The following TRIP12 variants were observed in gnomAD, a reference collection of about 807,000 sequenced individuals.
TRIP12 encodes the protein E3 ubiquitin-protein ligase TRIP12.
A neutral mutation model predicts 244.2 loss-of-function variants in TRIP12; 25 were observed. That is an observed-to-expected ratio of 0.10 (90% CI 0.07 to 0.14). The LOEUF (loss-of-function observed/expected upper bound fraction) is 0.14. TRIP12 is among the 10% of genes least tolerant of loss of function. TRIP12 has a pLI of 1.00. For synonymous variants in TRIP12, 905 were observed against 873.1 expected (o/e 1.04, Z -0.64); for missense variants, 1,677 against 2,486.4 (o/e 0.67, Z 6.92).
In TRIP12 at chr2:229,841,051, G is replaced by C. The variant is rs1017483641; in HGVS notation, c.1028-124C>G. On this transcript the variant is annotated intron_variant, in intron 4 of 41. Transcript: ENST00000675903. ...GAATATTTTTATAACCTCTCCAGCA[G>C]TATTACTAGCTTTATTTCCACAGCC... 3 of 681,078 alleles carry C rather than the reference G, an allele frequency of 4.4e-6. No homozygotes were observed. In the African/African-American group the frequency reaches 5.6e-5, roughly 13 times the overall value. The allele number at this position is 681,078 out of a possible 1,614,324, so 42.2% of individuals were successfully genotyped here.
chr2:229,864,192 A>T (rs2061096122), intron 2 of TRIP12, among the ~76,000 whole-genome samples: 1 of 152,182 alleles, frequency 6.6e-6, no homozygotes, highest in Non-Finnish European at 1.5e-5. Flanking sequence ...CCGGGCTGAT[A>T]TGTTAAAAAT....
At chr2:229,831,378 A>G (rs1397689801) in intron 6 of TRIP12, among the ~76,000 whole-genome samples, 4 of 152,240 alleles carry the variant, frequency 2.6e-5, no homozygotes, top group Non-Finnish European at 1.5e-5. Context: ...GATGACTGCT[A>G]TGAAGCATGA....
At chr2:229,812,181 C>T (rs2047419971) in intron 13 of TRIP12, among the ~76,000 whole-genome samples, 1 of 152,156 alleles carries the variant, frequency 6.6e-6, no homozygotes, top group Non-Finnish European at 1.5e-5. Flanking sequence ...ACCTCTGCCT[C>T]CCGAGATCAA....
Position 229,802,455 on chromosome 2 carries a change from T to G in TRIP12, c.3003A>C (p.Val1001=). Residue 1001 remains valine (V), a synonymous_variant, in exon 21 of 42, where the codon GTA becomes GTC. Transcript: ENST00000675903. ...CTGCTAAGTGTTTTACTTGATGCAT[T>G]ACACCTTTATAATAACAGAGATGAA... The part of the protein sequence containing the change: ...IFSVYFRREG[V]MHQVKHLAES... The G allele has an allele frequency of 6.2e-7, 1 of 1,610,606 alleles. No individual in the cohort carries two copies. Among genetic ancestry groups the G allele is most frequent in the South Asian group, 1.1e-5 (1 of 90,726 alleles).
intron 1 of TRIP12, among the ~76,000 whole-genome samples, chr2:229,902,881 TCA>T (rs1180686497): frequency 6.6e-6 from 1 of 152,186 alleles, no homozygotes; most frequent in Non-Finnish European, 1.5e-5. Context: ...AGATATGCCT[TCA>T]CATACAGTGC....
At chr2:229,907,729 C>A (rs958816549) in intron 1 of TRIP12, among the ~76,000 whole-genome samples, 1 of 152,060 alleles carries the variant, frequency 6.6e-6, no homozygotes, top group Non-Finnish European at 1.5e-5. Flanking sequence ...CTTGAGCCCA[C>A]AAGTTCGAAG....
Position 229,840,424 on chromosome 2 carries a change from G to A in TRIP12, c.1133+398C>T, listed in dbSNP as rs185750023. On this transcript the variant is annotated intron_variant, in intron 5 of 41. Transcript: ENST00000675903. Reference sequence around the variant, plus strand: ...TTTAAATAATTTTTTAAAAATCATCGGGCACGGTGGCTCACGCCTGTAATC... The same window carrying A: ...TTTAAATAATTTTTTAAAAATCATCAGGCACGGTGGCTCACGCCTGTAATC... Among the ~76,000 whole-genome samples, 651 of 152,108 alleles carry A rather than the reference G, an allele frequency of 4.3e-3. 4 individuals carry two copies. Among genetic ancestry groups the A allele is most frequent in the African/African-American group, 0.015 (624 of 41,480 alleles).
intron 4 of TRIP12, among the ~76,000 whole-genome samples, chr2:229,849,447 C>T (rs947807367): frequency 4.6e-5 from 7 of 151,948 alleles, no homozygotes; most frequent in Admixed American, 2.0e-4. Context: ...GGATCAAACA[C>T]TTGGGGGTGG....
chr2:229,879,745 C>G (rs2064423315), intron 2 of TRIP12, among the ~76,000 whole-genome samples: 2 of 152,200 alleles, frequency 1.3e-5, no homozygotes, highest in Non-Finnish European at 2.9e-5. Flanking sequence ...ACACCACATG[C>G]TAAATGAGGT....
intron 24 of TRIP12, 131 bp downstream of exon 24, chr2:229,797,559 G>A: frequency 9.6e-7 from 1 of 1,039,716 alleles, no homozygotes; most frequent in Admixed American, 2.9e-5. Context: ...AGCACCAAGG[G>A]TGTATATAAG....
chr2:229,786,632 TG>T (rs1165144165), intron 33 of TRIP12, among the ~76,000 whole-genome samples: 1 of 141,518 alleles, frequency 7.1e-6, no homozygotes, highest in African/African-American at 2.6e-5. Flanking sequence ...TTGGCCAGGA[TG>T]GTCTCGATCT....
At chr2:229,917,011 C>T (rs1228915751) in intron 1 of TRIP12, among the ~76,000 whole-genome samples, 1 of 152,118 alleles carries the variant, frequency 6.6e-6, no homozygotes. Context: ...AAGTCTGTAA[C>T]ACAGCTGCTG....
chr2:229,803,868 G>A (rs1034644230), intron 19 of TRIP12, 131 bp downstream of exon 19: 52 of 880,412 alleles, frequency 5.9e-5, no homozygotes, highest in Non-Finnish European at 8.4e-5. Flanking sequence ...AATATAAATA[G>A]ACAAAAAAGA....
intron 1 of TRIP12, among the ~76,000 whole-genome samples, chr2:229,898,212 A>C (rs1219632281): frequency 6.6e-6 from 1 of 152,250 alleles, no homozygotes; most frequent in African/African-American, 2.4e-5. Flanking sequence ...TAATAGTCTT[A>C]GGTAAGCAGG....
chr2:229,921,860 CAGAGCTGCGCCCCA>C lies in TRIP12; in HGVS notation c.-50+6_-50+19del, dbSNP rs2076658974. The C allele has an allele frequency of 7.0e-6, 1 of 143,084 alleles. No homozygotes were observed. Among genetic ancestry groups the C allele is most frequent in the African/African-American group, 2.6e-5 (1 of 38,802 alleles). 8.9% of individuals were successfully genotyped at this position (143,084 alleles called of 1,614,324 possible). On this transcript the variant is annotated splice_donor_region_variant and intron_variant, in intron 1 of 41. Transcript: ENST00000675903. ...TCCCCCAAGGCTTGCCCCCGCCGCCCAGAGCTGCGCCCCAATTACCTAGTTAGGCCCCAAAGTCT... is the reference window on the plus strand; with the variant it reads ...TCCCCCAAGGCTTGCCCCCGCCGCCCATTACCTAGTTAGGCCCCAAAGTCT...
At chr2:229,825,116 T>C (rs1320777407) in intron 8 of TRIP12, among the ~76,000 whole-genome samples, 2 of 152,214 alleles carry the variant, frequency 1.3e-5, no homozygotes, top group East Asian at 3.8e-4. Flanking sequence ...TTTTTAACTT[T>C]TTTAATAATA....
At chr2:229,827,636 T>C (rs1053729358) in intron 8 of TRIP12, among the ~76,000 whole-genome samples, 5 of 152,154 alleles carry the variant, frequency 3.3e-5, no homozygotes, top group African/African-American at 1.2e-4. Flanking sequence ...GGCATGAAGC[T>C]GTCATCTCCT....
intron 37 of TRIP12, among the ~76,000 whole-genome samples, chr2:229,775,668 G>A (rs770026538): frequency 1.3e-5 from 2 of 150,762 alleles, no homozygotes; most frequent in Non-Finnish European, 3.0e-5. Flanking sequence ...AGAAACTAAC[G>A]TAAATTCCCT....
intron 40 of TRIP12, 106 bp downstream of exon 40, chr2:229,769,125 C>A (rs557165382): frequency 2.2e-6 from 2 of 905,254 alleles, no homozygotes; most frequent in Middle Eastern, 2.3e-4. Flanking sequence ...TAAAATGAAC[C>A]ACTCCAACTT....
Sources: gnomAD v4.1 joint callset for allele counts (sites outside exome capture counted in the v4.1 genomes callset) on GRCh38, gnomAD v4.1.1 for gene constraint, MANE v1.5 for transcripts, NCBI Gene and HGNC (gene_info 2026-07-23, HGNC 2026-07-21) for gene names.